CDC42SE2: variants seen among roughly 807,000 people sequenced by gnomAD.
CDC42SE2 encodes the protein CDC42 small effector 2, also known as CDC42 small effector protein 2.
In CDC42SE2, 3 loss-of-function variants were observed where a neutral mutation model predicts 11.5. The observed-to-expected ratio is 0.26, with a 90% confidence interval of 0.12 to 0.67. The LOEUF is 0.67. CDC42SE2 is among the 30% of genes least tolerant of loss of function. The pLI is 0.80. For synonymous variants in CDC42SE2, 33 were observed against 34.8 expected (o/e 0.95, Z 0.18); for missense variants, 82 against 106.8 (o/e 0.77, Z 1.02).
chr5:131,232,933 TAA>T, the CDC42SE2 span, among the ~76,000 whole-genome samples: 1 of 141,632 alleles, frequency 7.1e-6, no homozygotes, highest in Admixed American at 7.1e-5. Context: ...CTGCACACAG[TAA>T]AAAAAAAAAG....
the CDC42SE2 span, among the ~76,000 whole-genome samples, chr5:131,233,154 A>G: frequency 6.6e-6 from 1 of 152,090 alleles, no homozygotes; most frequent in East Asian, 1.9e-4. Flanking sequence ...TAAGACCCAC[A>G]CTGTTCTACA....
upstream of CDC42SE2, chr5:131,263,585 C>A (rs1429556881): frequency 6.6e-6 from 1 of 152,234 alleles, no homozygotes; most frequent in Non-Finnish European, 1.5e-5. Context: ...GATGGGCTCT[C>A]AACCGCTACT....
At chr5:131,312,785 C>T (rs999695541) in intron 1 of CDC42SE2, among the ~76,000 whole-genome samples, 4 of 152,124 alleles carry the variant, frequency 2.6e-5, no homozygotes, top group South Asian at 2.1e-4. Context: ...GGCAATGCCT[C>T]GCCCTACTTT....
At chr5:131,339,622 C>A (rs1758661431) in intron 2 of CDC42SE2, among the ~76,000 whole-genome samples, 1 of 151,932 alleles carries the variant, frequency 6.6e-6, no homozygotes, top group Admixed American at 6.6e-5. Flanking sequence ...GCCTGGCCAA[C>A]ATAGTGGAAC....
At chr5:131,246,523 T>G (rs1453659276) in intron 1 of CDC42SE2, among the ~76,000 whole-genome samples, 6 of 151,968 alleles carry the variant, frequency 3.9e-5, no homozygotes, top group Admixed American at 3.3e-4. Flanking sequence ...TTTTGCCAGG[T>G]TTTTTTGGTT....
At chr5:131,380,230 C>T (rs1435830006) in intron 3 of CDC42SE2, among the ~76,000 whole-genome samples, 1 of 152,114 alleles carries the variant, frequency 6.6e-6, no homozygotes, top group African/African-American at 2.4e-5. Context: ...TACACTGCAC[C>T]ATATTTGTAG....
chr5:131,266,803 A>T (rs1756875834), intron 1 of CDC42SE2, among the ~76,000 whole-genome samples: 1 of 151,958 alleles, frequency 6.6e-6, no homozygotes, highest in African/African-American at 2.4e-5. Flanking sequence ...GAATTGTGAT[A>T]CTTTTTCTTT....
At chr5:131,264,636 C>T (rs1390126407) in intron 1 of CDC42SE2, among the ~76,000 whole-genome samples, 1 of 152,170 alleles carries the variant, frequency 6.6e-6, no homozygotes, top group African/African-American at 2.4e-5. Flanking sequence ...CCTGAGGCGC[C>T]CGACGCGTTC....
intron 2 of CDC42SE2, among the ~76,000 whole-genome samples, chr5:131,335,151 A>G (rs1355670086): frequency 6.6e-6 from 1 of 152,048 alleles, no homozygotes; most frequent in Non-Finnish European, 1.5e-5. Context: ...TGTCCCAGAG[A>G]TTCTGGTATG....
intron 1 of CDC42SE2, among the ~76,000 whole-genome samples, chr5:131,278,716 C>CCT (rs1757159704): frequency 1.9e-5 from 1 of 52,618 alleles, no homozygotes; most frequent in Non-Finnish European, 3.6e-5. Flanking sequence ...TTTCCTCTCC[C>CCT]CTCCCCTCCC....
At chr5:131,231,505 G>T in the CDC42SE2 span, among the ~76,000 whole-genome samples, 1 of 152,012 alleles carries the variant, frequency 6.6e-6, no homozygotes, top group Non-Finnish European at 1.5e-5. Context: ...GGTTTCTTTC[G>T]GTCTGGGCCA....
At chr5:131,257,973 C>T (rs931282460) in intron 2 of CDC42SE2, among the ~76,000 whole-genome samples, 1 of 152,118 alleles carries the variant, frequency 6.6e-6, no homozygotes, top group Non-Finnish European at 1.5e-5. Flanking sequence ...CCTCAAGATA[C>T]GGGGAGAAGT....
chr5:131,311,061 A>G (rs1347930471), intron 1 of CDC42SE2, among the ~76,000 whole-genome samples: 1 of 150,724 alleles, frequency 6.6e-6, no homozygotes, highest in East Asian at 1.9e-4. Flanking sequence ...TTTTGGCATG[A>G]TTTTGCAGCG....
rs1435213498 is a variant in CDC42SE2 at position 131,391,013 on chromosome 5, A to G, written c.177A>G (p.Gln59=). ...GMNSVSSIQN[Q]MQSKGGYGGG... ...TTTAGGTTAGCTCCATTCAGAACCA[A>G]ATGCAGTCCAAGGGAGGTTATGGAG... is the stretch of plus-strand genomic sequence containing the variant. The change falls in exon 5 of 5, where the codon CAA becomes CAG. Residue 59 remains glutamine (Q), a synonymous_variant. Transcript: ENST00000505065. 2 of 1,612,326 alleles carry G rather than the reference A, an allele frequency of 1.2e-6. No homozygotes were observed. The highest frequency in any genetic ancestry group is 4.5e-5 in the East Asian group (2 of 44,792).
At chr5:131,332,637 C>G (rs1758446640) in intron 2 of CDC42SE2, among the ~76,000 whole-genome samples, 3 of 152,108 alleles carry the variant, frequency 2.0e-5, no homozygotes, top group Admixed American at 2.0e-4. Context: ...CTGTTGTTTC[C>G]TGACTTTTTA....
intron 2 of CDC42SE2, among the ~76,000 whole-genome samples, chr5:131,353,467 G>T (rs1299944821): frequency 6.6e-6 from 1 of 151,780 alleles, no homozygotes; most frequent in African/African-American, 2.4e-5. Flanking sequence ...TTTTTAGTAG[G>T]GATGGGGTTC....
the CDC42SE2 span, among the ~76,000 whole-genome samples, chr5:131,233,345 T>C: frequency 6.6e-6 from 1 of 152,208 alleles, no homozygotes; most frequent in Non-Finnish European, 1.5e-5. Flanking sequence ...TGGATATTTA[T>C]GTTGTTTAAT....
At chr5:131,360,453 GTTAC>G (rs781168271) in intron 3 of CDC42SE2, among the ~76,000 whole-genome samples, 7 of 152,056 alleles carry the variant, frequency 4.6e-5, no homozygotes, top group Non-Finnish European at 1.0e-4. Flanking sequence ...TAAATAAAAT[GTTAC>G]TTACATAAAA....
chr5:131,288,048 G>A (rs556971800), intron 1 of CDC42SE2, among the ~76,000 whole-genome samples: 2 of 151,796 alleles, frequency 1.3e-5, no homozygotes, highest in East Asian at 1.9e-4. Flanking sequence ...GTTTGAGACC[G>A]GCCTGGGCAA....
Sources: gnomAD v4.1 joint callset for allele counts (sites outside exome capture counted in the v4.1 genomes callset) on GRCh38, gnomAD v4.1.1 for gene constraint, MANE v1.5 for transcripts, NCBI Gene and HGNC (gene_info 2026-07-23, HGNC 2026-07-21) for gene names.